CAMTA1: variants seen among roughly 807,000 people sequenced by gnomAD.
CAMTA1 encodes the protein calmodulin-binding transcription activator 1.
In CAMTA1, 27 loss-of-function variants were observed where a neutral mutation model predicts 170.9. That is an observed-to-expected ratio of 0.16 (90% CI 0.12 to 0.22). The LOEUF is 0.22. Among genes scored for constraint, CAMTA1 ranks in the 10% least tolerant of loss-of-function variants. The pLI, the probability that CAMTA1 is intolerant of heterozygous loss-of-function variation, is 1.00. For missense variants in CAMTA1, 1,619 were observed against 2,217.2 expected (o/e 0.73, Z 5.42); for synonymous variants, 833 against 891.5 (o/e 0.93, Z 1.17).
chr1:7,557,136 G>A (rs982936028), intron 6 of CAMTA1, among the ~76,000 whole-genome samples: 5 of 151,744 alleles, frequency 3.3e-5, no homozygotes, highest in African/African-American at 9.7e-5. Flanking sequence ...GGCGAAACCC[G>A]GCCTCTACTA....
chr1:7,116,654 C>CTTT (rs34283711), intron 4 of CAMTA1, among the ~76,000 whole-genome samples: 7 of 143,452 alleles, frequency 4.9e-5, no homozygotes, highest in Non-Finnish European at 7.6e-5. Context: ...TTCTTTCTTT[C>CTTT]TTTTTTTTTT....
chr1:7,576,879 G>A (rs544705207), intron 6 of CAMTA1, among the ~76,000 whole-genome samples: 1 of 152,314 alleles, frequency 6.6e-6, no homozygotes, highest in Admixed American at 6.5e-5. Context: ...TAGGAGGACG[G>A]GGGATTGGCC....
At chr1:7,678,753 G>T (rs540260510) in intron 11 of CAMTA1, among the ~76,000 whole-genome samples, 1 of 152,290 alleles carries the variant, frequency 6.6e-6, no homozygotes, top group South Asian at 2.1e-4. Context: ...GGATGTTGAG[G>T]TCTGGGCTAA....
intron 4 of CAMTA1, among the ~76,000 whole-genome samples, chr1:7,099,942 A>C (rs2148228734): frequency 6.6e-6 from 1 of 152,310 alleles, no homozygotes; most frequent in Non-Finnish European, 1.5e-5. Flanking sequence ...TCTTCAGAGA[A>C]TCAATGTGTC....
In CAMTA1 at chr1:7,252,659, G is replaced by T. The variant is rs144961471; in HGVS notation, c.438+3033G>T. On this transcript the variant is annotated intron_variant, in intron 5 of 22. Coordinates refer to ENST00000303635, the MANE Select transcript of CAMTA1 (RefSeq NM_015215.4). ...CAATCAGGTGGTTCCCATAGACTCA[G>T]CATCTTCATCACGTCAGGCACGGCG... Among the ~76,000 whole-genome samples, 906 of 152,320 alleles carry T rather than the reference G, an allele frequency of 5.9e-3. 17 individuals carry two copies. Among genetic ancestry groups the T allele is most frequent in the Admixed American group, 0.039 (601 of 15,304 alleles).
intron 1 of CAMTA1, among the ~76,000 whole-genome samples, chr1:6,811,368 A>G (rs1018925022): frequency 1.3e-5 from 2 of 152,220 alleles, no homozygotes; most frequent in Non-Finnish European, 2.9e-5. Flanking sequence ...TGTTGTATGT[A>G]GCTTATTAAA....
rs1268632861 is a variant in CAMTA1 at position 7,562,574 on chromosome 1, T to TCTGG, written c.511-77825_511-77824insTGGC. Among the ~76,000 whole-genome samples the TCTGG allele has an allele frequency of 2.0e-5, 3 of 152,220 alleles. No homozygotes were observed. The highest frequency in any genetic ancestry group is 7.2e-5 in the African/African-American group (3 of 41,450). ...CCCTGACAGGCAGCAGTACCCGCTG[T>TCTGG]CACGCTGCCTGCATGTCCCAGAAAT... On this transcript the variant is annotated intron_variant, in intron 6 of 22. Coordinates refer to ENST00000303635, the MANE Select transcript of CAMTA1 (RefSeq NM_015215.4). This position sits in a 1 kb window ranked among gnomAD's most constrained non-coding sequence, Gnocchi z 4.8.
rs1452899871 is a variant in CAMTA1 at position 7,251,257 on chromosome 1, G to A, written c.438+1631G>A. ...AGCCGAGGGGAGAAAACAACCCACAGTGTTCGTTTTCTTTCCTCATGTTAT... is the reference window on the plus strand; with the variant it reads ...AGCCGAGGGGAGAAAACAACCCACAATGTTCGTTTTCTTTCCTCATGTTAT... On this transcript the variant is annotated intron_variant, in intron 5 of 22. Coordinates refer to ENST00000303635, the MANE Select transcript of CAMTA1 (RefSeq NM_015215.4). The surrounding 1 kb of genome is among the most constrained non-coding windows in gnomAD (Gnocchi z 5.1). Among the ~76,000 whole-genome samples the A allele has an allele frequency of 6.6e-6, 1 of 152,224 alleles. No homozygotes were observed. The highest frequency in any genetic ancestry group is 6.5e-5 in the Admixed American group (1 of 15,292).
At position 7,682,042 on chromosome 1, in the gene CAMTA1, ACT is replaced by A. The variant is rs2096211559; in HGVS notation, c.2914+4312_2914+4313del. ...ACCCCACTAAGCCGCTTAGACTTAGACTCTATTTTCAGTGCTTCTCAGGCAAC... is the reference window on the plus strand; with the variant it reads ...ACCCCACTAAGCCGCTTAGACTTAGACTATTTTCAGTGCTTCTCAGGCAAC... On this transcript the variant is annotated intron_variant, in intron 11 of 22. Coordinates refer to ENST00000303635, the MANE Select transcript of CAMTA1 (RefSeq NM_015215.4). This position sits in a 1 kb window ranked among gnomAD's most constrained non-coding sequence, Gnocchi z 5.0. 1.3e-5 allele frequency among the ~76,000 whole-genome samples: 2 copies of A among 149,410 alleles called. No individual in the cohort carries two copies. Among genetic ancestry groups the A allele is most frequent in the South Asian group, 2.1e-4 (1 of 4,718 alleles).
intron 3 of CAMTA1, among the ~76,000 whole-genome samples, chr1:7,062,512 G>A (rs1708369331): frequency 6.6e-6 from 1 of 152,170 alleles, no homozygotes; most frequent in African/African-American, 2.4e-5. Flanking sequence ...ATGGCTGGGC[G>A]CCGGGGAGAG....
At chr1:6,834,661 A>T (rs1652098678) in intron 3 of CAMTA1, 1 of 156,866 alleles carries the variant, frequency 6.4e-6, no homozygotes, top group Non-Finnish European at 1.4e-5. Flanking sequence ...TTTTTGAGAC[A>T]GAGTCGTGCT....
At position 7,244,922 on chromosome 1, in the gene CAMTA1, AT is replaced by A. The variant is rs1665518373; in HGVS notation, c.303-4567del. On this transcript the variant is annotated intron_variant, in intron 4 of 22. Transcript: ENST00000303635. Reference sequence around the variant, plus strand: ...ATAATAAAAATAAATACATAAATAAATTAATTAATTAATTAACTTCGGAAGA... The same window carrying A: ...ATAATAAAAATAAATACATAAATAAATAATTAATTAATTAACTTCGGAAGA... 2.7e-5 allele frequency among the ~76,000 whole-genome samples: 4 copies of A among 150,850 alleles called. No homozygotes were observed. The East Asian group carries it at 5.8e-4, about 22-fold the overall frequency.
chr1:7,095,842 G>A (rs1051365842), intron 4 of CAMTA1, among the ~76,000 whole-genome samples: 6 of 152,236 alleles, frequency 3.9e-5, no homozygotes, highest in Non-Finnish European at 8.8e-5. Context: ...GCAGGGAACC[G>A]GGCTGAGCCC....
At chr1:7,124,013 G>A (rs1175427004) in intron 4 of CAMTA1, among the ~76,000 whole-genome samples, 5 of 152,202 alleles carry the variant, frequency 3.3e-5, no homozygotes, top group African/African-American at 4.8e-5. Context: ...GCAGGAATGC[G>A]TCTTGGCCAG....
At chr1:7,715,792 A>C (rs1414649861) in intron 11 of CAMTA1, among the ~76,000 whole-genome samples, 1 of 152,236 alleles carries the variant, frequency 6.6e-6, no homozygotes, top group Non-Finnish European at 1.5e-5. Context: ...CCGTGCCGGC[A>C]TGGGAGAGCA....
rs1190894282 is a variant in CAMTA1 at position 7,113,721 on chromosome 1, A to T, written c.302+22350A>T. ...TTAAGTTTCCCATAATTAACCTTTA[A>T]TGATATTCTCTCACTTTAGCAATAT... is the stretch of plus-strand genomic sequence containing the variant. On this transcript the variant is annotated intron_variant, in intron 4 of 22. Coordinates refer to ENST00000303635, the MANE Select transcript of CAMTA1 (RefSeq NM_015215.4). This position sits in a 1 kb window ranked among gnomAD's most constrained non-coding sequence, Gnocchi z 4.5. 2.6e-5 allele frequency among the ~76,000 whole-genome samples: 4 copies of T among 152,256 alleles called. No homozygotes were observed. Among genetic ancestry groups the T allele is most frequent in the Non-Finnish European group, 5.9e-5 (4 of 68,046 alleles).
chr1:7,709,316 C>T (rs898116109), intron 11 of CAMTA1, among the ~76,000 whole-genome samples: 3 of 152,164 alleles, frequency 2.0e-5, no homozygotes, highest in South Asian at 2.1e-4. Flanking sequence ...AGTTATCCAG[C>T]GTGATGCTAC....
At chr1:7,589,627 G>A (rs911232363) in intron 6 of CAMTA1, among the ~76,000 whole-genome samples, 7 of 152,156 alleles carry the variant, frequency 4.6e-5, no homozygotes, top group South Asian at 4.1e-4. Flanking sequence ...CAGCATCTGC[G>A]GGGTAAATCC....
chr1:7,043,162 C>T (rs1704747061), intron 3 of CAMTA1, among the ~76,000 whole-genome samples: 1 of 152,218 alleles, frequency 6.6e-6, no homozygotes, highest in Non-Finnish European at 1.5e-5. Context: ...TGGCACAGGC[C>T]TCTGGGCAGG....
Sources: allele counts gnomAD v4.1 joint callset (sites outside exome capture counted in the v4.1 genomes callset), GRCh38; gene constraint gnomAD v4.1.1; non-coding constraint Gnocchi (gnomAD v3.1); transcripts MANE v1.5; gene names NCBI Gene and HGNC (gene_info 2026-07-23, HGNC 2026-07-21).